The following DNAH17 variants were observed in gnomAD, a reference collection of about 807,000 sequenced individuals.
DNAH17 encodes the protein axonemal beta dynein heavy chain 17.
DNAH17 carries 376 observed loss-of-function variants against 485.6 expected under a neutral mutation model. The ratio of observed to expected loss-of-function variants is 0.77; its 90% confidence interval spans 0.71 to 0.84. The LOEUF (loss-of-function observed/expected upper bound fraction) is 0.84, where lower values mean the gene tolerates loss of function less well. DNAH17 is among the 40% of genes least tolerant of loss of function. The pLI is 0.00. For synonymous variants in DNAH17, 3,031 were observed against 2,405.9 expected (o/e 1.26, Z -7.60); for missense variants, 6,370 against 5,839.3 (o/e 1.09, Z -2.96).
At chr17:78,571,168 G>T in intron 5 of DNAH17, 111 bp downstream of exon 5, 2 of 1,295,486 alleles carry the variant, frequency 1.5e-6, no homozygotes, top group Non-Finnish European at 1.1e-6. Context: ...GGCTGAGAAA[G>T]CTGCTCGCAG....
In DNAH17 at chr17:78,572,832, T is replaced by G; in HGVS notation, c.408A>C (p.Glu136Asp). Residue 136 changes from glutamate to aspartate, a missense_variant, in exon 3 of 81, where the codon GAA becomes GAC. Physicochemically the swap from Glu to Asp is conservative, Grantham distance 45. Transcript: ENST00000389840. Reference sequence around the variant, plus strand: ...GCCTGTGGACCTGCTTCACGATGTCTTCCGAGACCACCTGGGGCCATCCAG... The same window carrying G: ...GCCTGTGGACCTGCTTCACGATGTCGTCCGAGACCACCTGGGGCCATCCAG... ...NMAGWPQVVS[E>D]DIVKQVHRLK... 6.2e-7 allele frequency: 1 copy of G among 1,613,994 alleles called. No individual in the cohort carries two copies. Among genetic ancestry groups the G allele is most frequent in the Non-Finnish European group, 8.5e-7 (1 of 1,179,892 alleles).
chr17:78,564,723 T>C (rs1257290291), intron 11 of DNAH17, among the ~76,000 whole-genome samples: 1 of 152,190 alleles, frequency 6.6e-6, no homozygotes, highest in Non-Finnish European at 1.5e-5. Context: ...GCCTGCCCTG[T>C]GCTAGGCTCA....
At chr17:78,543,623 C>G (rs2091665538) in intron 17 of DNAH17, 1 of 592,676 alleles carries the variant, frequency 1.7e-6, no homozygotes, top group East Asian at 3.1e-5. Flanking sequence ...CAGGGTTTCA[C>G]CACGTTGGTC....
At chr17:78,450,921 C>T in intron 66 of DNAH17, 75 bp from the exon 67 acceptor site, 1 of 1,565,206 alleles carries the variant, frequency 6.4e-7, no homozygotes, top group Non-Finnish European at 8.7e-7. Flanking sequence ...CTCAGGTGGC[C>T]ATGTAGCTGA....
At chr17:78,499,622 A>T (rs766188914) in intron 36 of DNAH17, 1 of 152,234 alleles carries the variant, frequency 6.6e-6, no homozygotes, top group Non-Finnish European at 1.5e-5. Context: ...CCAACTTCAG[A>T]TTTCACTTTT....
chr17:78,472,386 G>C (rs1278221865), intron 54 of DNAH17, among the ~76,000 whole-genome samples: 1 of 151,954 alleles, frequency 6.6e-6, no homozygotes, highest in Non-Finnish European at 1.5e-5. Flanking sequence ...ACGCAGCAAG[G>C]CCTCCTCCCT....
intron 42 of DNAH17, 44 bp from the exon 43 acceptor site, chr17:78,491,614 C>A: frequency 6.3e-7 from 1 of 1,596,738 alleles, no homozygotes; most frequent in Non-Finnish European, 8.5e-7. Context: ...TCACTCCGGC[C>A]CCATTCCAGT....
intron 18 of DNAH17, among the ~76,000 whole-genome samples, chr17:78,539,025 A>G (rs4969155): frequency 0.77 from 116,578 of 152,012 alleles, 44,768 homozygotes; most frequent in African/African-American, 0.78. Flanking sequence ...GAGGTCAGGA[A>G]TTCAAGACCA....
chr17:78,435,050 A>C (rs1397087682), intron 74 of DNAH17, among the ~76,000 whole-genome samples: 2 of 152,328 alleles, frequency 1.3e-5, no homozygotes, highest in East Asian at 1.9e-4. Flanking sequence ...ATGGACAAGA[A>C]GGGGAGCAGC....
chr17:78,471,282 T>C (rs903564134), intron 54 of DNAH17, among the ~76,000 whole-genome samples: 2 of 152,148 alleles, frequency 1.3e-5, no homozygotes, highest in African/African-American at 2.4e-5. Flanking sequence ...CTCCTATCTC[T>C]TGACAAGCTA....
intron 19 of DNAH17, among the ~76,000 whole-genome samples, chr17:78,535,092 C>G (rs1213661999): frequency 6.6e-6 from 1 of 152,194 alleles, no homozygotes; most frequent in Non-Finnish European, 1.5e-5. Flanking sequence ...AATGTTCTGC[C>G]TGAGCGTCCC....
rs373616933 is a variant in DNAH17 at position 78,490,715 on chromosome 17, C to T, written c.6802G>A (p.Asp2268Asn). ...CCCACTCACGGGTTCCATCCCAGGTCGGCTGGGTTGATGTAGAGGATGCCG... is the reference window on the plus strand; with the variant it reads ...CCCACTCACGGGTTCCATCCCAGGTTGGCTGGGTTGATGTAGAGGATGCCG... ...RAGILYINPA[D>N]LGWNPVVSSW... The change falls in exon 44 of 81, where the codon GAC becomes AAC. Residue 2268 changes from aspartate (D) to asparagine (N), a missense_variant. By Grantham distance (23) the Asp-to-Asn change is conservative (BLOSUM62 1). Transcript: ENST00000389840. 17 of 1,607,836 alleles carry T rather than the reference C, an allele frequency of 1.1e-5. No individual in the cohort carries two copies. The highest frequency in any genetic ancestry group is 1.6e-4 in the Middle Eastern group (1 of 6,074).
In DNAH17 at chr17:78,502,586, C is replaced by CA; in HGVS notation, c.5190+4dup. ...AACGTAACTAACTACACACTAGTAA[C>CA]ACACCTGCTTTTTGTTATAATCTCT... On this transcript the variant is annotated splice_donor_region_variant and intron_variant, in intron 33 of 80. Transcript: ENST00000389840. The CA allele has an allele frequency of 1.1e-5, 17 of 1,611,782 alleles. No homozygotes were observed. Among genetic ancestry groups the CA allele is most frequent in the Non-Finnish European group, 1.4e-5 (17 of 1,178,984 alleles).
At position 78,506,028 on chromosome 17, in the gene DNAH17, G is replaced by T. The variant is rs73380888; in HGVS notation, c.4804-583C>A. Among the ~76,000 whole-genome samples, 378 of 152,108 alleles carry T rather than the reference G, an allele frequency of 2.5e-3. 3 individuals are homozygous for T. The highest frequency in any genetic ancestry group is 8.6e-3 in the African/African-American group (355 of 41,492). ...GATTTCTTCTTTTTGAGAAGGTTCT[G>T]TCCCAGATCCCAAGCCACACACTCA... On this transcript the variant is annotated intron_variant, in intron 30 of 80. Transcript: ENST00000389840.
At chr17:78,496,930 C>G (rs902676008) in intron 37 of DNAH17, 1 of 152,214 alleles carries the variant, frequency 6.6e-6, no homozygotes, top group South Asian at 2.1e-4. Context: ...CCTCGGCCTC[C>G]CAAAGTACTG....
Position 78,552,624 on chromosome 17 carries a change from T to A in DNAH17, c.2287+73A>T, listed in dbSNP as rs956490301. On this transcript the variant is annotated intron_variant, in intron 15 of 80. Coordinates refer to ENST00000389840, the MANE Select transcript of DNAH17 (RefSeq NM_173628.4). The stretch of plus-strand genomic sequence containing the variant: ...GAGGCAGAAGTGACCACTCTAGTGG[T>A]GTTTGAGGACAGATGCTGGGCAGGT... 6.7e-6 allele frequency: 7 copies of A among 1,051,598 alleles called. No individual in the cohort carries two copies. The African/African-American group carries it at 1.1e-4, about 17-fold the overall frequency. 65.1% of individuals were successfully genotyped at this position (1,051,598 alleles called of 1,614,324 possible).
At chr17:78,547,842 T>A (rs1335235728) in intron 16 of DNAH17, among the ~76,000 whole-genome samples, 1 of 150,192 alleles carries the variant, frequency 6.7e-6, no homozygotes, top group African/African-American at 2.5e-5. Flanking sequence ...GGTCTTGAAC[T>A]CCTGACCTCA....
At chr17:78,490,335 G>A (rs2089793676) in intron 44 of DNAH17, among the ~76,000 whole-genome samples, 2 of 152,192 alleles carry the variant, frequency 1.3e-5, no homozygotes, top group South Asian at 4.1e-4. Context: ...CTTGTCTGGT[G>A]TGCTTCTCTG....
intron 56 of DNAH17, among the ~76,000 whole-genome samples, chr17:78,465,270 C>T (rs1200225508): frequency 6.6e-6 from 1 of 151,810 alleles, no homozygotes; most frequent in African/African-American, 2.4e-5. Flanking sequence ...GGCGTGATCT[C>T]GGCTCGCTAC....
Sources: allele counts gnomAD v4.1 joint callset (sites outside exome capture counted in the v4.1 genomes callset), GRCh38; gene constraint gnomAD v4.1.1; transcripts MANE v1.5; gene names NCBI Gene and HGNC (gene_info 2026-07-23, HGNC 2026-07-21).